SHISA9: variants seen among roughly 807,000 people sequenced by gnomAD.
SHISA9 encodes shisa family member 9, also known as protein shisa-9.
A neutral mutation model predicts 38.0 loss-of-function variants in SHISA9; 13 were observed. The ratio of observed to expected loss-of-function variants is 0.34; its 90% CI spans 0.22 to 0.54. SHISA9 has a LOEUF of 0.54. Among genes scored for constraint, SHISA9 ranks in the 20% least tolerant of loss-of-function variants. The pLI, the probability that SHISA9 is intolerant of heterozygous loss-of-function variation, is 0.91. For missense variants in SHISA9, 538 were observed against 575.8 expected (o/e 0.93, Z 0.67); for synonymous variants, 275 against 242.0 (o/e 1.14, Z -1.27).
the SHISA9 span, among the ~76,000 whole-genome samples, chr16:13,318,467 C>G: frequency 1.3e-5 from 2 of 152,166 alleles, no homozygotes; most frequent in Admixed American, 6.5e-5. Flanking sequence ...GCTGGAAGTA[C>G]AGGTGTGTGC....
At chr16:13,414,727 C>T in the SHISA9 span, among the ~76,000 whole-genome samples, 1 of 149,196 alleles carries the variant, frequency 6.7e-6, no homozygotes, top group East Asian at 2.0e-4. Flanking sequence ...TCATTGCAAC[C>T]TCTGCCTCCC....
At chr16:13,356,588 G>A in the SHISA9 span, among the ~76,000 whole-genome samples, 2 of 152,130 alleles carry the variant, frequency 1.3e-5, no homozygotes, top group Admixed American at 6.5e-5. Context: ...GGCTGAGGAA[G>A]GATTGGGACC....
the SHISA9 span, among the ~76,000 whole-genome samples, chr16:13,451,736 T>C: frequency 0.45 from 68,893 of 152,058 alleles, 16,738 homozygotes; most frequent in African/African-American, 0.6. Flanking sequence ...ACAGAGTAAC[T>C]GAGGAATGTA....
chr16:13,322,220 A>T, the SHISA9 span, among the ~76,000 whole-genome samples: 66 of 152,356 alleles, frequency 4.3e-4, no homozygotes, highest in African/African-American at 1.5e-3. Context: ...GCCAGTGTTG[A>T]AGAATAATAG....
chr16:13,283,003 T>C, the SHISA9 span, among the ~76,000 whole-genome samples: 1 of 152,160 alleles, frequency 6.6e-6, no homozygotes, highest in Non-Finnish European at 1.5e-5. Flanking sequence ...GATTGGTTTA[T>C]ATTAATGACT....
intron 2 of SHISA9, among the ~76,000 whole-genome samples, chr16:12,919,731 A>G (rs1468242945): frequency 6.6e-6 from 1 of 152,130 alleles, no homozygotes; most frequent in Non-Finnish European, 1.5e-5. Context: ...GATATATTGG[A>G]CTTGCCTTTT....
At chr16:13,209,675 G>A (rs748560154) in intron 3 of SHISA9, among the ~76,000 whole-genome samples, 6 of 152,180 alleles carry the variant, frequency 3.9e-5, no homozygotes, top group Admixed American at 6.5e-5. Context: ...GTTATAGACC[G>A]AGCCAAAAAT....
intron 2 of SHISA9, among the ~76,000 whole-genome samples, chr16:12,934,164 T>C (rs2071497636): frequency 6.6e-6 from 1 of 152,196 alleles, no homozygotes; most frequent in African/African-American, 2.4e-5. Flanking sequence ...TGAGATTATA[T>C]AAATAAATGT....
chr16:13,421,511 C>A, the SHISA9 span, among the ~76,000 whole-genome samples: 2 of 152,086 alleles, frequency 1.3e-5, no homozygotes, highest in Admixed American at 6.5e-5. Context: ...GGAAACCACC[C>A]CCATGATTCA....
chr16:13,504,647 G>A, the SHISA9 span, among the ~76,000 whole-genome samples: 1 of 152,154 alleles, frequency 6.6e-6, no homozygotes, highest in Non-Finnish European at 1.5e-5. Context: ...AAGAAACAGA[G>A]GAATTTGAGT....
chr16:13,558,888 C>T, the SHISA9 span, among the ~76,000 whole-genome samples: 1 of 152,228 alleles, frequency 6.6e-6, no homozygotes, highest in Non-Finnish European at 1.5e-5. Context: ...TTTCAGGGCT[C>T]TGCACATTTC....
intron 2 of SHISA9, among the ~76,000 whole-genome samples, chr16:13,063,900 C>A (rs780280845): frequency 6.6e-5 from 10 of 152,172 alleles, no homozygotes; most frequent in Non-Finnish European, 1.3e-4. Context: ...CCAGGCTGGG[C>A]TCTTGTCTCT....
the SHISA9 span, among the ~76,000 whole-genome samples, chr16:13,286,960 G>A: frequency 6.6e-6 from 1 of 152,120 alleles, no homozygotes; most frequent in Non-Finnish European, 1.5e-5. Flanking sequence ...CAAATGGAGT[G>A]TGGGTATATG....
chr16:13,080,159 G>T (rs908040813), intron 2 of SHISA9, among the ~76,000 whole-genome samples: 1 of 152,052 alleles, frequency 6.6e-6, no homozygotes, highest in East Asian at 1.9e-4. Context: ...GGATCACGAG[G>T]TCAGGAGATT....
intron 2 of SHISA9, among the ~76,000 whole-genome samples, chr16:13,189,330 C>T (rs953074368): frequency 1.3e-5 from 2 of 152,174 alleles, no homozygotes; most frequent in African/African-American, 4.8e-5. Flanking sequence ...TGGCTCAATG[C>T]TGAACCTCCA....
chr16:13,486,999 C>T, the SHISA9 span, among the ~76,000 whole-genome samples: 8 of 152,220 alleles, frequency 5.3e-5, no homozygotes, highest in Non-Finnish European at 1.5e-5. Flanking sequence ...CCACCGCACT[C>T]AGCCCACTTC....
At chr16:13,109,964 C>T (rs1340495490) in intron 2 of SHISA9, among the ~76,000 whole-genome samples, 2 of 152,164 alleles carry the variant, frequency 1.3e-5, no homozygotes, top group South Asian at 4.1e-4. Context: ...TATGAATACT[C>T]ACTTGTGAGC....
the SHISA9 span, among the ~76,000 whole-genome samples, chr16:13,289,457 G>C: frequency 1.6e-4 from 24 of 151,992 alleles, no homozygotes; most frequent in African/African-American, 5.3e-4. Context: ...GAAGTAACCA[G>C]GGAATTACTT....
At chr16:13,120,384 C>T (rs1407708162) in intron 2 of SHISA9, among the ~76,000 whole-genome samples, 1 of 152,104 alleles carries the variant, frequency 6.6e-6, no homozygotes, top group Admixed American at 6.5e-5. Context: ...GTTCCTTCCC[C>T]ACGAAAAGGA....
Sources: allele counts gnomAD v4.1 joint callset (sites outside exome capture counted in the v4.1 genomes callset), GRCh38; gene constraint gnomAD v4.1.1; transcripts MANE v1.5; gene names NCBI Gene and HGNC (gene_info 2026-07-23, HGNC 2026-07-21).